LHFPL3: variants seen among roughly 807,000 people sequenced by gnomAD.
LHFPL3 encodes LHFPL tetraspan subfamily member 3.
LHFPL3 carries 5 observed loss-of-function variants against 19.3 expected under a neutral mutation model. The observed-to-expected ratio is 0.26, with a 90% CI of 0.14 to 0.54. The LOEUF (loss-of-function observed/expected upper bound fraction) is 0.54. Ranked by LOEUF, LHFPL3 falls within the 20% of genes least tolerant of loss-of-function variation. The probability of loss-of-function intolerance (pLI) is 0.94; values close to 1 mark genes in which losing one functional copy is unlikely to be tolerated. For missense variants in LHFPL3, 249 were observed against 307.4 expected, an observed-to-expected ratio of 0.81 and a Z score of 1.42; for synonymous variants, 133 against 126.2, an observed-to-expected ratio of 1.05 and a Z score of -0.36.
At chr7:104,823,158 A>G (rs1172725002) in intron 2 of LHFPL3, among the ~76,000 whole-genome samples, 3 of 152,230 alleles carry the variant, frequency 2.0e-5, no homozygotes, top group Non-Finnish European at 4.4e-5. Flanking sequence ...TGTTATCAAT[A>G]GCTCCCCAGA....
At chr7:104,448,561 T>C (rs1792374002) in intron 1 of LHFPL3, among the ~76,000 whole-genome samples, 1 of 152,240 alleles carries the variant, frequency 6.6e-6, no homozygotes, top group Non-Finnish European at 1.5e-5. Context: ...AGCATTCAGC[T>C]AATTCCCTGT....
rs902078329 is a variant in LHFPL3 at position 104,908,338 on chromosome 7, C to T, written c.*2123C>T. 6.6e-6 allele frequency among the ~76,000 whole-genome samples: 1 copy of T among 151,742 alleles called. No homozygotes were observed. The highest frequency in any genetic ancestry group is 1.5e-5 in the Non-Finnish European group (1 of 67,974). On this transcript the variant is annotated 3_prime_UTR_variant, in exon 3 of 3. Coordinates refer to ENST00000424859, the MANE Select transcript of LHFPL3 (RefSeq NM_199000.3). ...ATGTACCATTTGTATATAGGTAATACACATGTAAATCACTAATTGTTAATT... is the reference window on the plus strand; with the variant it reads ...ATGTACCATTTGTATATAGGTAATATACATGTAAATCACTAATTGTTAATT...
chr7:104,886,009 C>T (rs1382106863), intron 2 of LHFPL3, among the ~76,000 whole-genome samples: 1 of 152,120 alleles, frequency 6.6e-6, no homozygotes, highest in Non-Finnish European at 1.5e-5. Flanking sequence ...GGAAAGTGTC[C>T]CTGACCACCT....
rs368336871 is a variant in LHFPL3, at chr7:104,872,842, G to T, written c.683-33345G>T. On this transcript the variant is annotated intron_variant, in intron 2 of 2. Coordinates refer to ENST00000424859, the MANE Select transcript of LHFPL3 (RefSeq NM_199000.3). ...CAGTTAACTTTTTTTCAGTAAGTAG[G>T]AGTACACTCTAAAATAACTATAAAC... Among the ~76,000 whole-genome samples the T allele has an allele frequency of 2.1e-3, 313 of 152,220 alleles. 3 individuals are homozygous for T. The highest frequency in any genetic ancestry group is 6.8e-3 in the African/African-American group (283 of 41,550).
intron 2 of LHFPL3, among the ~76,000 whole-genome samples, chr7:104,771,397 T>C (rs1235659178): frequency 6.6e-6 from 1 of 152,184 alleles, no homozygotes; most frequent in Non-Finnish European, 1.5e-5. Context: ...GATTTTCTCA[T>C]GATTTGTTCA....
At chr7:104,461,111 C>T (rs571009312) in intron 1 of LHFPL3, among the ~76,000 whole-genome samples, 1 of 152,176 alleles carries the variant, frequency 6.6e-6, no homozygotes, top group Admixed American at 6.6e-5. Flanking sequence ...AGGAAACTTA[C>T]AATCATGGTG....
At chr7:104,596,673 G>A (rs943907181) in intron 1 of LHFPL3, among the ~76,000 whole-genome samples, 9 of 152,202 alleles carry the variant, frequency 5.9e-5, no homozygotes, top group African/African-American at 2.2e-4. Context: ...TACCTGCCTT[G>A]GTAGTCACAG....
chr7:104,828,709 G>A lies in LHFPL3; in HGVS notation c.683-77478G>A, dbSNP rs1022717066. Reference sequence around the variant, plus strand: ...TGAATAGGTCAGCCAGACAAATGGCGTAAGTGGGAAGGTAAGAGGGAAATA... The same window carrying A: ...TGAATAGGTCAGCCAGACAAATGGCATAAGTGGGAAGGTAAGAGGGAAATA... On this transcript the variant is annotated intron_variant, in intron 2 of 2. Transcript: ENST00000424859. 1.1e-4 allele frequency among the ~76,000 whole-genome samples: 17 copies of A among 151,946 alleles called. No homozygotes were observed. The East Asian group carries it at 1.5e-3, about 14-fold the overall frequency.
rs1425187499 is a variant in LHFPL3, at chr7:104,642,069, G to T, written c.446-94606G>T. 1.3e-3 allele frequency among the ~76,000 whole-genome samples: 152 copies of T among 115,264 alleles called. 2 individuals carry two copies. The highest frequency in any genetic ancestry group is 4.8e-3 in the African/African-American group (139 of 29,214). The allele number at this position is 115,264 out of a possible 152,430, so 75.6% of individuals were successfully genotyped here. A position where few individuals can be genotyped will look rare whatever the true frequency, so the allele number is the denominator to read the frequency against. On this transcript the variant is annotated intron_variant, in intron 1 of 2. Coordinates refer to ENST00000424859, the MANE Select transcript of LHFPL3 (RefSeq NM_199000.3). The stretch of plus-strand genomic sequence containing the variant: ...TTTTTTTTTTTTTTTACAGAGTCTT[G>T]CTCTGTCACCCAGACTGGAGTGCAG...
intron 1 of LHFPL3, among the ~76,000 whole-genome samples, chr7:104,587,389 G>C (rs530709705): frequency 6.6e-6 from 1 of 152,124 alleles, no homozygotes; most frequent in African/African-American, 2.4e-5. Context: ...CTGTCCCTGC[G>C]ATAGTTTGCT....
rs559807351 is a variant in LHFPL3, at chr7:104,648,151, T to C, written c.446-88524T>C. On this transcript the variant is annotated intron_variant, in intron 1 of 2. Transcript: ENST00000424859. ...CTATAGATCAAAGCATGAAGATATT[T>C]ACTCCTGAAGGACCTCTCTTACGTA... is the stretch of plus-strand genomic sequence containing the variant. Among the ~76,000 whole-genome samples, 23 of 152,358 alleles carry C rather than the reference T, an allele frequency of 1.5e-4. No homozygotes were observed. The South Asian group carries it at 4.8e-3, about 32-fold the overall frequency.
intron 2 of LHFPL3, among the ~76,000 whole-genome samples, chr7:104,831,602 A>G (rs1790954552): frequency 6.6e-6 from 1 of 151,762 alleles, no homozygotes; most frequent in Non-Finnish European, 1.5e-5. Flanking sequence ...TATTACACCA[A>G]ACCACCAGAC....
chr7:104,459,736 T>C (rs1792620955), intron 1 of LHFPL3, among the ~76,000 whole-genome samples: 2 of 152,238 alleles, frequency 1.3e-5, no homozygotes, highest in Non-Finnish European at 2.9e-5. Context: ...CCTGGATTAA[T>C]GATGGGATCC....
At chr7:104,835,863 G>C (rs1791084247) in intron 2 of LHFPL3, among the ~76,000 whole-genome samples, 1 of 151,260 alleles carries the variant, frequency 6.6e-6, no homozygotes, top group Admixed American at 6.6e-5. Flanking sequence ...TTATGAACCT[G>C]TCACCAAGGT....
At chr7:104,626,213 A>G (rs1274443034) in intron 1 of LHFPL3, among the ~76,000 whole-genome samples, 1 of 152,142 alleles carries the variant, frequency 6.6e-6, no homozygotes. Flanking sequence ...CCTTCCAGAG[A>G]GTGTGCTATG....
chr7:104,869,049 T>A (rs1476588783), intron 2 of LHFPL3, among the ~76,000 whole-genome samples: 1 of 152,162 alleles, frequency 6.6e-6, no homozygotes, highest in Non-Finnish European at 1.5e-5. Context: ...CTGGATCCCT[T>A]CCTTACACCT....
At chr7:104,329,381 G>C (rs1801527519) in intron 1 of LHFPL3, among the ~76,000 whole-genome samples, 157 bp downstream of exon 1, 1 of 152,160 alleles carries the variant, frequency 6.6e-6, no homozygotes, top group African/African-American at 2.4e-5. Context: ...GCCCAGCGAG[G>C]CCGGAACCCC....
chr7:104,771,177 A>AC (rs1365585803), intron 2 of LHFPL3, among the ~76,000 whole-genome samples: 2 of 152,070 alleles, frequency 1.3e-5, no homozygotes, highest in African/African-American at 4.8e-5. Context: ...CTGCCAGTAG[A>AC]CCCCCTCAAC....
chr7:104,527,467 T>C (rs1481950913), intron 1 of LHFPL3, among the ~76,000 whole-genome samples: 7 of 152,010 alleles, frequency 4.6e-5, no homozygotes, highest in African/African-American at 9.7e-5. Flanking sequence ...TGAAGGGCAA[T>C]GCACTCGATT....
Sources: allele counts gnomAD v4.1 joint callset (sites outside exome capture counted in the v4.1 genomes callset), GRCh38; gene constraint gnomAD v4.1.1; transcripts MANE v1.5; gene names NCBI Gene and HGNC (gene_info 2026-07-23, HGNC 2026-07-21).